The following NDE1 variants were observed in gnomAD, a reference collection of about 807,000 sequenced individuals.
NDE1 encodes the protein nuclear distribution protein nudE homolog 1.
In NDE1, 28 loss-of-function variants were observed where a neutral mutation model predicts 43.4. The ratio of observed to expected loss-of-function variants is 0.65; its 90% CI spans 0.48 to 0.89. The LOEUF is 0.89. Ranked by LOEUF, NDE1 falls within the 40% of genes least tolerant of loss-of-function variation. NDE1 has a pLI of 0.00. For missense variants in NDE1, 441 were observed against 434.1 expected (o/e 1.02, Z -0.14); for synonymous variants, 184 against 172.0 (o/e 1.07, Z -0.55).
chr16:15,666,851 T>A lies in NDE1; in HGVS notation c.84-435T>A, dbSNP rs368327960. Among the ~76,000 whole-genome samples, 107 of 152,342 alleles carry A rather than the reference T, an allele frequency of 7.0e-4. 2 individuals are homozygous for A. In the South Asian group the frequency reaches 0.013, roughly 19 times the overall value. ...GTTGCCCTGGCTGGTCTGGAACTCC[T>A]GGCCTCAAGTAATTCTTAATGAGCC... On this transcript the variant is annotated intron_variant, in intron 2 of 8. Coordinates refer to ENST00000396354, the MANE Select transcript of NDE1 (RefSeq NM_017668.3).
chr16:15,653,217 G>C (rs569931107), intron 1 of NDE1, among the ~76,000 whole-genome samples: 22 of 152,258 alleles, frequency 1.4e-4, no homozygotes, highest in Non-Finnish European at 2.9e-4. Flanking sequence ...TTTCCATTCA[G>C]TCCTCTGTTG....
At chr16:15,659,702 A>C (rs2036950862) in intron 1 of NDE1, among the ~76,000 whole-genome samples, 1 of 142,150 alleles carries the variant, frequency 7.0e-6, no homozygotes, top group African/African-American at 2.6e-5. Context: ...CTCCCAAAGT[A>C]CTGGGATTAC....
chr16:15,651,931 A>T (rs1432453583), intron 1 of NDE1: 1 of 151,688 alleles, frequency 6.6e-6, no homozygotes, highest in African/African-American at 2.4e-5. Context: ...TTATTTTGAG[A>T]CGGAGTCTTG....
At chr16:15,695,327 G>T (rs2038961774) in intron 7 of NDE1, among the ~76,000 whole-genome samples, 1 of 149,476 alleles carries the variant, frequency 6.7e-6, no homozygotes, top group Non-Finnish European at 1.5e-5. Flanking sequence ...GGCCAACATG[G>T]TGAAACCCCA....
upstream of NDE1, among the ~76,000 whole-genome samples, chr16:15,647,104 A>G (rs2151379916): frequency 6.6e-6 from 1 of 152,368 alleles, no homozygotes; most frequent in South Asian, 2.1e-4. Context: ...AGTGTGAAGC[A>G]GCATGTAAAT....
chr16:15,703,865 G>A (rs760229510), intron 8 of NDE1: 9 of 1,299,336 alleles, frequency 6.9e-6, no homozygotes, highest in Non-Finnish European at 4.4e-6. Flanking sequence ...ATTTGAGAAT[G>A]GATTTAGACA....
intron 8 of NDE1, among the ~76,000 whole-genome samples, chr16:15,715,892 G>A (rs1243883775): frequency 2.0e-5 from 3 of 152,130 alleles, no homozygotes; most frequent in Admixed American, 6.6e-5. Context: ...CTGGGAGGCC[G>A]AGGTGGGCAG....
rs919816656 is a variant in NDE1 at position 15,724,216 on chromosome 16, T to C, written c.973T>C (p.Ser325Pro). Residue 325 changes from serine to proline, a missense_variant, in exon 9 of 9, where the codon TCC (serine) becomes CCC (proline). Transcript: ENST00000396354. ...GTTGGACACGAGTTGCCGCTGGTTG[T>C]CCAAATCAACAACCAGGTCGTCCAG... ...KGLDTSCRWL[S>P]KSTTRSSSSC 8 of 1,614,008 alleles carry C rather than the reference T, an allele frequency of 5.0e-6. No homozygotes were observed. The highest frequency in any genetic ancestry group is 3.3e-4 in the Middle Eastern group (2 of 6,020).
chr16:15,717,490 A>G lies in NDE1; in HGVS notation c.948-6701A>G, dbSNP rs2040224130. 48 of 815,828 alleles carry G rather than the reference A, an allele frequency of 5.9e-5. 1 individual carries two copies. In the South Asian group the frequency reaches 7.5e-4, roughly 13 times the overall value. The allele number at this position is 815,828 out of a possible 1,614,324, so 50.5% of individuals were successfully genotyped here. On this transcript the variant is annotated intron_variant, in intron 8 of 8. Coordinates refer to ENST00000396354, the MANE Select transcript of NDE1 (RefSeq NM_017668.3). ...CCTGTCCTCTCCTTCATCCTGTAAA[A>G]CTCCACTCAAGAGCTTCTTCCAGGC...
At chr16:15,679,212 C>T (rs139552052) in intron 4 of NDE1, among the ~76,000 whole-genome samples, 107 of 152,288 alleles carry the variant, frequency 7.0e-4, no homozygotes, top group African/African-American at 2.5e-3. Context: ...TGCATTGCAG[C>T]CTGAAACTTC....
At chr16:15,697,222 T>C (rs1385930007) in intron 8 of NDE1, 1 of 302,672 alleles carries the variant, frequency 3.3e-6, no homozygotes, top group Non-Finnish European at 4.9e-6. Flanking sequence ...TTTTGTATTT[T>C]TTCTAGAGAC....
chr16:15,721,184 C>G (rs1355756419), intron 8 of NDE1: 9 of 1,050,878 alleles, frequency 8.6e-6, no homozygotes, highest in South Asian at 1.4e-5. Context: ...GGCCGGGACT[C>G]AAGATGACCC....
chr16:15,690,360 T>TC (rs2038686547), intron 5 of NDE1, among the ~76,000 whole-genome samples: 1 of 100,466 alleles, frequency 1.0e-5, no homozygotes, highest in Non-Finnish European at 1.9e-5. Context: ...TTTCTTTTTT[T>TC]TTTTTTTTTT....
rs559826713 is a variant in NDE1 at position 15,716,050 on chromosome 16, G to T, written c.948-8141G>T. Among the ~76,000 whole-genome samples the T allele has an allele frequency of 2.0e-5, 3 of 152,196 alleles. No individual in the cohort carries two copies. In the East Asian group the frequency reaches 5.8e-4, roughly 29 times the overall value. ...GGTGAGGCGGAGGTTGCAGTGAGCT[G>T]AGATCGCACCACTGCACACCAGCCT... is the stretch of plus-strand genomic sequence containing the variant. On this transcript the variant is annotated intron_variant, in intron 8 of 8. Transcript: ENST00000396354.
At chr16:15,715,633 T>C (rs774513843) in intron 8 of NDE1, among the ~76,000 whole-genome samples, 98 of 152,134 alleles carry the variant, frequency 6.4e-4, no homozygotes, top group Middle Eastern at 3.2e-3. Context: ...TCTATTTTTT[T>C]TGCGGGGAGG....
intron 1 of NDE1, 86 bp downstream of exon 1, chr16:15,650,380 A>G: frequency 5.8e-6 from 1 of 172,036 alleles, no homozygotes; most frequent in South Asian, 9.5e-5. Flanking sequence ...GCCCCGCCCC[A>G]GGATCCCGGG....
In NDE1 at chr16:15,724,208, G is replaced by A. The variant is rs766841864; in HGVS notation, c.965G>A (p.Arg322His). ...LGDKGLDTSC[R>H]WLSKSTTRSS... is the part of the protein sequence containing the mutation. ...TTTTCCAGGTTGGACACGAGTTGCC[G>A]CTGGTTGTCCAAATCAACAACCAGG... Residue 322 changes from arginine to histidine, a missense_variant, in exon 9 of 9, where the codon CGC becomes CAC. Arg to His is a conservative substitution (Grantham distance 29). Coordinates refer to ENST00000396354, the MANE Select transcript of NDE1 (RefSeq NM_017668.3). 19 of 1,613,932 alleles carry A rather than the reference G, an allele frequency of 1.2e-5. No individual in the cohort carries two copies. The Admixed American group carries it at 2.2e-4, about 18-fold the overall frequency.
upstream of NDE1, among the ~76,000 whole-genome samples, chr16:15,646,890 A>T (rs1339639943): frequency 6.6e-6 from 1 of 151,824 alleles, no homozygotes; most frequent in Non-Finnish European, 1.5e-5. Flanking sequence ...GCCTCTACTA[A>T]AATAGAAAAA....
At chr16:15,671,771 A>G (rs1458221337) in intron 3 of NDE1, among the ~76,000 whole-genome samples, 1 of 151,908 alleles carries the variant, frequency 6.6e-6, no homozygotes, top group Non-Finnish European at 1.5e-5. Flanking sequence ...GCTCACTGCA[A>G]CCTCTGACTT....
Sources: allele counts gnomAD v4.1 joint callset (sites outside exome capture counted in the v4.1 genomes callset), GRCh38; gene constraint gnomAD v4.1.1; transcripts MANE v1.5; gene names NCBI Gene and HGNC (gene_info 2026-07-23, HGNC 2026-07-21).